RFESD: variants seen among roughly 807,000 people sequenced by gnomAD.
The protein encoded by RFESD is Rieske domain-containing protein.
A neutral mutation model predicts 24.4 loss-of-function variants in RFESD; 16 were observed. The observed-to-expected ratio is 0.66, with a 90% CI of 0.44 to 1.00. The LOEUF (loss-of-function observed/expected upper bound fraction) is 1.00. Ranked by LOEUF, RFESD falls within the 50% of genes least tolerant of loss-of-function variation. RFESD has a pLI of 0.00. For synonymous variants in RFESD, 59 were observed against 81.8 expected, an observed-to-expected ratio of 0.72 and a Z score of 1.50; for missense variants, 208 against 247.0, an observed-to-expected ratio of 0.84 and a Z score of 1.06.
At chr5:95,654,531 T>C (rs1377404795) in intron 5 of RFESD, among the ~76,000 whole-genome samples, 164 bp downstream of exon 5, 2 of 152,220 alleles carry the variant, frequency 1.3e-5, no homozygotes, top group Non-Finnish European at 2.9e-5. Context: ...ACCTAGCAAT[T>C]ATACTCTATA....
At chr5:95,654,657 A>G (rs1750617331) in intron 5 of RFESD, among the ~76,000 whole-genome samples, 1 of 152,188 alleles carries the variant, frequency 6.6e-6, no homozygotes, top group South Asian at 2.1e-4. Flanking sequence ...TAACAATCGG[A>G]AACTGGTTAA....
intron 3 of RFESD, 39 bp from the exon 4 acceptor site, chr5:95,654,022 G>A: frequency 6.3e-7 from 1 of 1,576,258 alleles, no homozygotes; most frequent in Non-Finnish European, 8.6e-7. Flanking sequence ...CCAAATTAGT[G>A]AATACTTCTT....
chr5:95,650,915 G>C (rs1055186436), intron 1 of RFESD, among the ~76,000 whole-genome samples: 2 of 152,034 alleles, frequency 1.3e-5, no homozygotes, highest in African/African-American at 2.4e-5. Context: ...TGGCTAACAT[G>C]GTGAAACCCC....
chr5:95,649,689 CTAA>C (rs1750234302), intron 1 of RFESD, among the ~76,000 whole-genome samples: 1 of 152,176 alleles, frequency 6.6e-6, no homozygotes, highest in Admixed American at 6.5e-5. Flanking sequence ...CGTTTTCCTA[CTAA>C]TGAGATTGAG....
At position 95,654,086 on chromosome 5, in the gene RFESD, G is replaced by T. The variant is rs1750550993; in HGVS notation, c.184G>T (p.Asp62Tyr). The T allele has an allele frequency of 6.2e-7, 1 of 1,611,208 alleles. No homozygotes were observed. The highest frequency in any genetic ancestry group is 2.2e-5 in the East Asian group (1 of 44,818). The change falls in exon 4 of 6, where the codon GAT (aspartate) becomes TAT (tyrosine). Residue 62 changes from aspartate to tyrosine, a missense_variant. Physicochemically the swap from Asp to Tyr is radical, Grantham distance 160. Transcript: ENST00000380005. ...LSMNLDGSAQDPEKREYSSVC... is the reference protein window; with the variant it reads ...LSMNLDGSAQYPEKREYSSVC... ...CATGAATCTTGATGGCTCTGCACAA[G>T]ATCCTGAAAAGAGGGAATATTCTTC... is the stretch of plus-strand genomic sequence containing the variant.
intron 2 of RFESD, 163 bp from the exon 3 acceptor site, chr5:95,652,954 T>G (rs1305325951): frequency 1.1e-6 from 1 of 914,182 alleles, no homozygotes; most frequent in Non-Finnish European, 1.6e-6. Context: ...TGCTTTATAC[T>G]CTTCAGTGGC....
In RFESD at chr5:95,656,167, G is replaced by A; in HGVS notation, c.491G>A (p.Cys164Tyr). The A allele has an allele frequency of 1.2e-6, 2 of 1,614,048 alleles. No individual in the cohort carries two copies. The highest frequency in any genetic ancestry group is 2.2e-5 in the South Asian group (2 of 91,082). The stretch of plus-strand genomic sequence containing the variant: ...GATCCATCAGCAAAACCCAAGTGGT[G>A]CTCCAAAGGAATAAAGCAAAGGATT... ...PKDPSAKPKW[C>Y]SKGIKQRIHT... The change falls in exon 6 of 6, where the codon TGC (cysteine) becomes TAC (tyrosine). Residue 164 changes from cysteine (C) to tyrosine (Y), a missense_variant. Coordinates refer to ENST00000380005, the MANE Select transcript of RFESD (RefSeq NM_001131066.2).
At position 95,652,652 on chromosome 5, in the gene RFESD, A is replaced by G. The variant is rs1750419890; in HGVS notation, c.60+321A>G. ...TTCATCAACCCAACTTCTCTGTACT[A>G]TAAAATTAAAATAATACCTTTTTAG... On this transcript the variant is annotated intron_variant, in intron 2 of 5. Coordinates refer to ENST00000380005, the MANE Select transcript of RFESD (RefSeq NM_001131066.2). 7 of 273,588 alleles carry G rather than the reference A, an allele frequency of 2.6e-5. No individual in the cohort carries two copies. In the South Asian group the frequency reaches 7.9e-4, roughly 31 times the overall value. The allele number at this position is 273,588 out of a possible 1,614,324, so 16.9% of individuals were successfully genotyped here.
chr5:95,648,207 C>T (rs540097811), intron 1 of RFESD: 1 of 152,258 alleles, frequency 6.6e-6, no homozygotes, highest in South Asian at 2.1e-4. Flanking sequence ...GACCGAGTAT[C>T]CATTTAGCTA....
At chr5:95,650,184 A>G (rs1750247111) in intron 1 of RFESD, among the ~76,000 whole-genome samples, 1 of 152,156 alleles carries the variant, frequency 6.6e-6, no homozygotes, top group South Asian at 2.1e-4. Context: ...TTGTGAGATA[A>G]TTTTTAAAAA....
In RFESD at chr5:95,652,329, C is replaced by A. The variant is rs1269091808; in HGVS notation, c.58C>A (p.Gln20Lys). ...RPSSLSTLPL[Q>K]YGILFPKLLA... ...TTCTTCCTTATCTACACTTCCTCTC[C>A]AAGTGAGTCCATAGAATTCTATGAC... Residue 20 changes from glutamine to lysine, a missense_variant and splice_region_variant, in exon 2 of 6, where the codon CAA (glutamine) becomes AAA (lysine). Physicochemically the swap from Gln to Lys is moderately conservative, Grantham distance 53. Transcript: ENST00000380005. 18 of 1,550,570 alleles carry A rather than the reference C, an allele frequency of 1.2e-5. No homozygotes were observed. The highest frequency in any genetic ancestry group is 1.5e-5 in the Non-Finnish European group (17 of 1,146,306).
intron 2 of RFESD, 42 bp from the exon 3 acceptor site, chr5:95,653,075 A>C (rs1019435230): frequency 6.5e-7 from 1 of 1,549,332 alleles, no homozygotes; most frequent in Non-Finnish European, 8.7e-7. Flanking sequence ...ATTCACCAAG[A>C]CTTTTCTTTC....
In RFESD at chr5:95,655,652, T is replaced by C. The variant is rs550848808; in HGVS notation, c.370-394T>C. 2.0e-5 allele frequency among the ~76,000 whole-genome samples: 3 copies of C among 152,356 alleles called. 1 individual carries two copies. The South Asian group carries it at 6.2e-4, about 32-fold the overall frequency. On this transcript the variant is annotated intron_variant, in intron 5 of 5. Transcript: ENST00000380005. ...TCTATTATCATATGCACTCATGCCTTTAGTAACTCCTTTTGAATTTATATC... is the reference window on the plus strand; with the variant it reads ...TCTATTATCATATGCACTCATGCCTCTAGTAACTCCTTTTGAATTTATATC...
At chr5:95,650,397 A>C (rs187502092) in intron 1 of RFESD, among the ~76,000 whole-genome samples, 179 of 152,258 alleles carry the variant, frequency 1.2e-3, no homozygotes, top group African/African-American at 4.1e-3. Context: ...GAACACACAT[A>C]TCTCTCTACC....
intron 2 of RFESD, 52 bp from the exon 3 acceptor site, chr5:95,653,065 A>C (rs1257044507): frequency 1.3e-6 from 2 of 1,547,714 alleles, no homozygotes; most frequent in Non-Finnish European, 1.7e-6. Flanking sequence ...TCTGGAACAC[A>C]TTCACCAAGA....
At position 95,656,363 on chromosome 5, in the gene RFESD, A is replaced by G. The variant is rs1750763351; in HGVS notation, c.*54A>G. On this transcript the variant is annotated 3_prime_UTR_variant, in exon 6 of 6. Transcript: ENST00000380005. ...GTGTATGCTTGAAAACATTTTTAGA[A>G]TAACTCTGCTTCAGTTTTAAAGGTG... 2.1e-6 allele frequency: 3 copies of G among 1,406,744 alleles called. No homozygotes were observed. Among genetic ancestry groups the G allele is most frequent in the Non-Finnish European group, 2.9e-6 (3 of 1,025,432 alleles). 87.1% of individuals were successfully genotyped at this position (1,406,744 alleles called of 1,614,324 possible). A position where few individuals can be genotyped will look rare whatever the true frequency, so the allele number is the denominator to read the frequency against.
chr5:95,649,629 G>A (rs1246743049), intron 1 of RFESD, among the ~76,000 whole-genome samples: 1 of 152,160 alleles, frequency 6.6e-6, no homozygotes, highest in Non-Finnish European at 1.5e-5. Flanking sequence ...TGTCAGCCTG[G>A]TGGATAGAAA....
chr5:95,654,321 A>G lies in RFESD; in HGVS notation c.335-12A>G, dbSNP rs775142000. 5.6e-6 allele frequency: 9 copies of G among 1,609,578 alleles called. No homozygotes were observed. Among genetic ancestry groups the G allele is most frequent in the East Asian group, 2.2e-5 (1 of 44,804 alleles). On this transcript the variant is annotated splice_polypyrimidine_tract_variant and intron_variant, in intron 4 of 5. Coordinates refer to ENST00000380005, the MANE Select transcript of RFESD (RefSeq NM_001131066.2). The stretch of plus-strand genomic sequence containing the variant: ...TTTTAGTGACTGCAGGTAATATTCA[A>G]TTCCTTTTCAGACTCAGGAGGACCT...
chr5:95,649,108 T>C (rs1750214663), intron 1 of RFESD, among the ~76,000 whole-genome samples: 1 of 149,592 alleles, frequency 6.7e-6, no homozygotes, highest in South Asian at 2.2e-4. Context: ...AGGATACAAC[T>C]TAAATCTTGA....
Sources: allele counts gnomAD v4.1 joint callset (sites outside exome capture counted in the v4.1 genomes callset), GRCh38; gene constraint gnomAD v4.1.1; transcripts MANE v1.5; gene names NCBI Gene and HGNC (gene_info 2026-07-23, HGNC 2026-07-21).